The following RBFOX3 variants were observed in gnomAD, a reference collection of about 807,000 sequenced individuals.
RBFOX3 encodes the protein RNA binding fox-1 homolog 3.
In RBFOX3, 17 loss-of-function variants were observed where a neutral mutation model predicts 48.7. That is an observed-to-expected ratio of 0.35 (90% CI 0.24 to 0.52). The LOEUF (loss-of-function observed/expected upper bound fraction) is 0.52. RBFOX3 is among the 20% of genes least tolerant of loss of function. The probability of loss-of-function intolerance (pLI) is 0.94; values close to 1 mark genes in which losing one functional copy is unlikely to be tolerated. For missense variants in RBFOX3, 382 were observed against 497.5 expected, an observed-to-expected ratio of 0.77 and a Z score of 2.21; for synonymous variants, 212 against 209.5, an observed-to-expected ratio of 1.01 and a Z score of -0.10.
At chr17:79,117,948 A>G (rs903859244) in intron 4 of RBFOX3, among the ~76,000 whole-genome samples, 1 of 152,166 alleles carries the variant, frequency 6.6e-6, no homozygotes, top group Non-Finnish European at 1.5e-5. Flanking sequence ...GGACGGTCCA[A>G]GGCTGGGTGT....
At chr17:79,414,182 T>A (rs1279701229) in intron 2 of RBFOX3, among the ~76,000 whole-genome samples, 1 of 152,050 alleles carries the variant, frequency 6.6e-6, no homozygotes, top group East Asian at 1.9e-4. Context: ...CCTGTCCATA[T>A]CAGGGACTTG....
intron 2 of RBFOX3, among the ~76,000 whole-genome samples, chr17:79,464,564 G>T (rs1004940450): frequency 2.0e-5 from 3 of 152,332 alleles, no homozygotes; most frequent in Middle Eastern, 6.8e-3. Context: ...TGCAGACGCC[G>T]GGGGGAGGCA....
At chr17:79,620,159 G>T in the RBFOX3 span, among the ~76,000 whole-genome samples, 4 of 24,220 alleles carry the variant, frequency 1.7e-4, no homozygotes, top group Admixed American at 5.3e-4. Flanking sequence ...ATGCACGCGC[G>T]GACATGCACA....
Position 79,390,377 on chromosome 17 carries a change from G to A in RBFOX3, c.-174-82553C>T, listed in dbSNP as rs530909495. Among the ~76,000 whole-genome samples, 12 of 152,200 alleles carry A rather than the reference G, an allele frequency of 7.9e-5. No homozygotes were observed. The highest frequency in any genetic ancestry group is 1.9e-4 in the East Asian group (1 of 5,202). On this transcript the variant is annotated intron_variant, in intron 2 of 14. Transcript: ENST00000693108. The surrounding 1 kb of genome is among the most constrained non-coding windows in gnomAD (Gnocchi z 4.2). Reference sequence around the variant, plus strand: ...ATCACGACCATCACGGCCAGGTGACGGGTTCCAGCTCATTCGGGGCTCAGC... The same window carrying A: ...ATCACGACCATCACGGCCAGGTGACAGGTTCCAGCTCATTCGGGGCTCAGC...
chr17:79,176,181 T>C (rs564027109), intron 4 of RBFOX3, among the ~76,000 whole-genome samples: 7 of 152,310 alleles, frequency 4.6e-5, no homozygotes, highest in Admixed American at 2.0e-4. Flanking sequence ...CTTCTGTGGA[T>C]TCCCTGAGCT....
At chr17:79,599,855 A>G (rs1345497749) in intron 1 of RBFOX3, 1 of 152,296 alleles carries the variant, frequency 6.6e-6, no homozygotes, top group Non-Finnish European at 1.5e-5. Flanking sequence ...AAATCAGACG[A>G]TGGCGGGCAG....
At chr17:79,527,559 C>T (rs1333628855) in intron 1 of RBFOX3, among the ~76,000 whole-genome samples, 2 of 152,344 alleles carry the variant, frequency 1.3e-5, no homozygotes, top group African/African-American at 2.4e-5. Flanking sequence ...ATCAGTGTGC[C>T]TCTGTTTCCC....
At chr17:79,476,670 A>G (rs2077810387) in intron 2 of RBFOX3, among the ~76,000 whole-genome samples, 1 of 152,196 alleles carries the variant, frequency 6.6e-6, no homozygotes, top group African/African-American at 2.4e-5. Flanking sequence ...TGTGAGGGGT[A>G]AGTGGTGACT....
At chr17:79,611,457 C>A (rs2093969661), upstream of RBFOX3, among the ~76,000 whole-genome samples, 1 of 151,960 alleles carries the variant, frequency 6.6e-6, no homozygotes, top group African/African-American at 2.4e-5. Flanking sequence ...GGGGTACACA[C>A]GGAAGATCCC....
rs143900458 is a variant in RBFOX3 at position 79,338,306 on chromosome 17, T to C, written c.-174-30482A>G. ...CTTTTTGATCCTTCCAATTGTCACC[T>C]GCAATGGTGGGAACACAGACTGGGG... On this transcript the variant is annotated intron_variant, in intron 2 of 14. Transcript: ENST00000693108. Among the ~76,000 whole-genome samples, 862 of 152,300 alleles carry C rather than the reference T, an allele frequency of 5.7e-3. 3 individuals are homozygous for C. The highest frequency in any genetic ancestry group is 8.5e-3 in the Non-Finnish European group (578 of 68,024).
At chr17:79,118,124 G>T (rs529552891) in intron 4 of RBFOX3, among the ~76,000 whole-genome samples, 1 of 152,174 alleles carries the variant, frequency 6.6e-6, no homozygotes, top group Non-Finnish European at 1.5e-5. Context: ...CCTGGGCTCT[G>T]CAGCGGGGGC....
chr17:79,143,554 T>A (rs1208052882), intron 4 of RBFOX3, among the ~76,000 whole-genome samples: 1 of 152,234 alleles, frequency 6.6e-6, no homozygotes, highest in Non-Finnish European at 1.5e-5. Flanking sequence ...AGTTCCTTGA[T>A]GAGGCTGGGC....
At chr17:79,589,362 G>A (rs1203535610) in intron 1 of RBFOX3, among the ~76,000 whole-genome samples, 2 of 152,132 alleles carry the variant, frequency 1.3e-5, no homozygotes, top group Admixed American at 1.3e-4. Flanking sequence ...CCCCAGCCAA[G>A]TGCTGTCTTC....
chr17:79,469,244 C>T (rs1288768086), intron 2 of RBFOX3, among the ~76,000 whole-genome samples: 5 of 152,174 alleles, frequency 3.3e-5, no homozygotes, highest in Non-Finnish European at 5.9e-5. Context: ...GAGCCAAGGA[C>T]TCAAGCCAGA....
chr17:79,570,288 T>C (rs962695964), intron 1 of RBFOX3, among the ~76,000 whole-genome samples: 66 of 152,096 alleles, frequency 4.3e-4, no homozygotes, highest in African/African-American at 1.6e-3. Context: ...AGATGGATAG[T>C]AGAGAAGGAA....
intron 5 of RBFOX3, among the ~76,000 whole-genome samples, chr17:79,114,807 G>GC (rs1340090867): frequency 1.3e-5 from 2 of 152,110 alleles, no homozygotes; most frequent in African/African-American, 4.8e-5. Flanking sequence ...AAAGGAATAG[G>GC]CCGGCTGGGG....
chr17:79,290,135 G>A (rs2072946917), intron 3 of RBFOX3, among the ~76,000 whole-genome samples: 1 of 152,002 alleles, frequency 6.6e-6, no homozygotes, highest in Non-Finnish European at 1.5e-5. Context: ...ACATGCTGTA[G>A]GGGGGTCCTC....
intron 3 of RBFOX3, among the ~76,000 whole-genome samples, chr17:79,240,749 C>T (rs1323009972): frequency 1.3e-5 from 2 of 151,990 alleles, no homozygotes; most frequent in South Asian, 2.1e-4. Flanking sequence ...CTGCAAGCTC[C>T]GCCTCCCAGA....
rs143770816 is a variant in RBFOX3 at position 79,222,202 on chromosome 17, G to T, written c.-34+13564C>A. Reference sequence around the variant, plus strand: ...TTCTACCTGCAGCCTGATTTCTACCGGCAGCCTGATTTCTAGCAGATCTAA... The same window carrying T: ...TTCTACCTGCAGCCTGATTTCTACCTGCAGCCTGATTTCTAGCAGATCTAA... On this transcript the variant is annotated intron_variant, in intron 4 of 14. Coordinates refer to ENST00000693108, the MANE Select transcript of RBFOX3 (RefSeq NM_001350451.2). Among the ~76,000 whole-genome samples, 17 of 133,828 alleles carry T rather than the reference G, an allele frequency of 1.3e-4. 1 individual carries two copies. The highest frequency in any genetic ancestry group is 5.3e-4 in the African/African-American group (15 of 28,464). 87.8% of individuals were successfully genotyped at this position (133,828 alleles called of 152,430 possible).
Sources: gnomAD v4.1 joint callset for allele counts (sites outside exome capture counted in the v4.1 genomes callset) on GRCh38, gnomAD v4.1.1 for gene constraint, Gnocchi (gnomAD v3.1) non-coding constraint, MANE v1.5 for transcripts, NCBI Gene and HGNC (gene_info 2026-07-23, HGNC 2026-07-21) for gene names.